CNTNAP2: variants seen among roughly 807,000 people sequenced by gnomAD.
CNTNAP2 encodes contactin-associated protein-like 2.
In CNTNAP2, 98 loss-of-function variants were observed where a neutral mutation model predicts 155.2. The ratio of observed to expected loss-of-function variants is 0.63; its 90% CI spans 0.54 to 0.75. CNTNAP2 has a LOEUF of 0.75. CNTNAP2 is among the 30% of genes least tolerant of loss of function. The pLI, the probability that CNTNAP2 is intolerant of heterozygous loss-of-function variation, is 0.00. For synonymous variants in CNTNAP2, 651 were observed against 631.2 expected, an observed-to-expected ratio of 1.03 and a Z score of -0.47; for missense variants, 1,727 against 1,688.1, an observed-to-expected ratio of 1.02 and a Z score of -0.40.
chr7:147,376,470 G>A (rs1796435853), intron 9 of CNTNAP2, among the ~76,000 whole-genome samples: 1 of 151,958 alleles, frequency 6.6e-6, no homozygotes, highest in South Asian at 2.1e-4. Flanking sequence ...CTGTTATCAG[G>A]TACAGACATA....
At chr7:148,127,724 A>G (rs896646003) in intron 16 of CNTNAP2, among the ~76,000 whole-genome samples, 1 of 152,234 alleles carries the variant, frequency 6.6e-6, no homozygotes, top group Non-Finnish European at 1.5e-5. Context: ...TTATTTTTAA[A>G]TAGTTTCACT....
intron 16 of CNTNAP2, among the ~76,000 whole-genome samples, chr7:148,127,736 T>C (rs1326865779): frequency 6.6e-6 from 1 of 152,244 alleles, no homozygotes; most frequent in African/African-American, 2.4e-5. Context: ...AGTTTCACTC[T>C]TGTAGATGTG....
chr7:146,558,174 A>G (rs958787678), intron 1 of CNTNAP2, among the ~76,000 whole-genome samples: 2 of 152,160 alleles, frequency 1.3e-5, no homozygotes, highest in African/African-American at 2.4e-5. Context: ...GTGGACATTC[A>G]TAGCCTGAGG....
At chr7:146,585,699 G>A (rs980223774) in intron 1 of CNTNAP2, among the ~76,000 whole-genome samples, 5 of 147,772 alleles carry the variant, frequency 3.4e-5, no homozygotes, top group Admixed American at 1.4e-4. Flanking sequence ...TCATCTGTAC[G>A]AAAGAAGGAA....
chr7:148,209,320 G>C (rs1292388997), intron 18 of CNTNAP2, among the ~76,000 whole-genome samples: 1 of 129,896 alleles, frequency 7.7e-6, no homozygotes, highest in East Asian at 2.2e-4. Flanking sequence ...TTTTTTTAGC[G>C]ACAGGGTCCC....
At chr7:146,417,864 T>A (rs1795959385) in intron 1 of CNTNAP2, among the ~76,000 whole-genome samples, 1 of 152,178 alleles carries the variant, frequency 6.6e-6, no homozygotes, top group South Asian at 2.1e-4. Context: ...AGTTTTCACT[T>A]ATTCATTCAT....
At chr7:146,554,956 C>A (rs547962749) in intron 1 of CNTNAP2, among the ~76,000 whole-genome samples, 1 of 152,152 alleles carries the variant, frequency 6.6e-6, no homozygotes, top group South Asian at 2.1e-4. Flanking sequence ...GATCTACTTA[C>A]GTATTATTTG....
intron 4 of CNTNAP2, among the ~76,000 whole-genome samples, chr7:147,066,404 C>T (rs1799780757): frequency 6.6e-6 from 1 of 152,184 alleles, no homozygotes; most frequent in Admixed American, 6.5e-5. Context: ...TCATGGTTGG[C>T]TGAAGTTGCC....
chr7:148,147,567 C>T lies in CNTNAP2; in HGVS notation c.2631C>T (p.Leu877=). The T allele has an allele frequency of 6.2e-7, 1 of 1,614,140 alleles. No individual in the cohort carries two copies. The highest frequency in any genetic ancestry group is 8.5e-7 in the Non-Finnish European group (1 of 1,180,036). Residue 877 remains leucine, a synonymous_variant, in exon 17 of 24, where the codon CTC becomes CTT. Transcript: ENST00000361727. ...TTGTAGTGAGGTCACCAACCCCTCT[C>T]AACGATGACCAGTGGCACCGGGTCA... The part of the protein sequence containing the change: ...VEIVVRSPTP[L]NDDQWHRVTA...
At chr7:148,129,012 T>C (rs114364551) in intron 16 of CNTNAP2, among the ~76,000 whole-genome samples, 1 of 152,136 alleles carries the variant, frequency 6.6e-6, no homozygotes, top group Non-Finnish European at 1.5e-5. Context: ...TACAACTGCC[T>C]TCTTGGTAAT....
chr7:147,857,660 G>A (rs557518241), intron 13 of CNTNAP2, among the ~76,000 whole-genome samples: 1 of 152,264 alleles, frequency 6.6e-6, no homozygotes, highest in East Asian at 1.9e-4. Context: ...TTGAGAACAG[G>A]CCTCCTAAGC....
intron 1 of CNTNAP2, among the ~76,000 whole-genome samples, chr7:146,235,486 A>G (rs1253554535): frequency 1.3e-5 from 2 of 152,194 alleles, no homozygotes; most frequent in Non-Finnish European, 2.9e-5. Flanking sequence ...AGAAAAGGCA[A>G]CTAATAACAC....
intron 1 of CNTNAP2, among the ~76,000 whole-genome samples, chr7:146,418,706 T>G (rs1795970466): frequency 6.6e-6 from 1 of 152,152 alleles, no homozygotes; most frequent in Non-Finnish European, 1.5e-5. Context: ...TATAAAATAC[T>G]ATCATATCCT....
chr7:146,467,201 C>T (rs1435104633), intron 1 of CNTNAP2, among the ~76,000 whole-genome samples: 1 of 152,088 alleles, frequency 6.6e-6, no homozygotes, highest in Non-Finnish European at 1.5e-5. Flanking sequence ...TATATTACCA[C>T]TTCTTAACTA....
intron 1 of CNTNAP2, among the ~76,000 whole-genome samples, chr7:146,462,143 G>T (rs906381278): frequency 2.0e-5 from 3 of 152,086 alleles, no homozygotes; most frequent in Non-Finnish European, 4.4e-5. Flanking sequence ...AGAATAGTTT[G>T]GAGCCAAAAA....
At chr7:148,209,489 T>C (rs768406321) in intron 18 of CNTNAP2, among the ~76,000 whole-genome samples, 14 of 152,036 alleles carry the variant, frequency 9.2e-5, no homozygotes, top group Non-Finnish European at 1.9e-4. Flanking sequence ...TGCCTGCCTC[T>C]GTGTTCCCAT....
At chr7:148,044,939 G>A (rs926132587) in intron 15 of CNTNAP2, among the ~76,000 whole-genome samples, 24 of 151,984 alleles carry the variant, frequency 1.6e-4, no homozygotes, top group African/African-American at 4.8e-4. Context: ...GCAATCCTTC[G>A]CCTCAGCCTC....
rs912675390 is a variant in CNTNAP2, at chr7:147,273,652, C to A, written c.1349-26489C>A. Among the ~76,000 whole-genome samples the A allele has an allele frequency of 1.3e-5, 2 of 151,276 alleles. 1 individual carries two copies. The highest frequency in any genetic ancestry group is 1.3e-4 in the Admixed American group (2 of 15,174). On this transcript the variant is annotated intron_variant, in intron 8 of 23. Transcript: ENST00000361727. Reference sequence around the variant, plus strand: ...TGAGTTATTTGTCTTAGGATAATGGCCTCCAGCTCAATCCATGTTGCAAAA... The same window carrying A: ...TGAGTTATTTGTCTTAGGATAATGGACTCCAGCTCAATCCATGTTGCAAAA...
chr7:148,332,815 C>T (rs1239954590), intron 21 of CNTNAP2, among the ~76,000 whole-genome samples: 2 of 152,070 alleles, frequency 1.3e-5, no homozygotes, highest in Non-Finnish European at 2.9e-5. Context: ...ACGCTGGAAA[C>T]GGGGAGGGTG....
Sources: gnomAD v4.1 joint callset for allele counts (sites outside exome capture counted in the v4.1 genomes callset) on GRCh38, gnomAD v4.1.1 for gene constraint, MANE v1.5 for transcripts, NCBI Gene and HGNC (gene_info 2026-07-23, HGNC 2026-07-21) for gene names.